The following SUGCT variants were observed in gnomAD, a reference collection of about 807,000 sequenced individuals.
The protein encoded by SUGCT is succinyl-CoA:glutarate-CoA transferase.
A neutral mutation model predicts 55.0 loss-of-function variants in SUGCT; 41 were observed. The ratio of observed to expected loss-of-function variants is 0.74; its 90% CI spans 0.58 to 0.97. The LOEUF is 0.97. Ranked by LOEUF, SUGCT falls within the 50% of genes least tolerant of loss-of-function variation. SUGCT has a pLI of 0.00. For synonymous variants in SUGCT, 187 were observed against 200.4 expected, an observed-to-expected ratio of 0.93 and a Z score of 0.56; for missense variants, 568 against 547.8, an observed-to-expected ratio of 1.04 and a Z score of -0.37.
At chr7:40,176,101 A>G (rs952348741) in intron 1 of SUGCT, among the ~76,000 whole-genome samples, 3 of 152,092 alleles carry the variant, frequency 2.0e-5, no homozygotes, top group African/African-American at 7.2e-5. Flanking sequence ...ACATGGTGGC[A>G]CATGCCTGTA....
chr7:40,505,888 A>T (rs1038181787), intron 12 of SUGCT, among the ~76,000 whole-genome samples: 1 of 151,960 alleles, frequency 6.6e-6, no homozygotes, highest in Admixed American at 6.6e-5. Context: ...TCTTTTTCTT[A>T]TTTCCATATA....
chr7:40,932,010 A>C, the SUGCT span, among the ~76,000 whole-genome samples: 1 of 151,864 alleles, frequency 6.6e-6, no homozygotes, highest in Non-Finnish European at 1.5e-5. Context: ...TTTTCATTGT[A>C]ATGTTAGGAT....
the SUGCT span, among the ~76,000 whole-genome samples, chr7:40,899,391 G>A: frequency 6.6e-6 from 1 of 152,164 alleles, no homozygotes; most frequent in East Asian, 1.9e-4. Flanking sequence ...TTACGTGATG[G>A]AACGCAGGCT....
intron 12 of SUGCT, among the ~76,000 whole-genome samples, chr7:40,740,729 A>G (rs1787415658): frequency 6.6e-6 from 1 of 152,026 alleles, no homozygotes; most frequent in South Asian, 2.1e-4. Context: ...TTATGAATAA[A>G]TGCATCAAGG....
At chr7:40,692,085 C>G (rs1784725199) in intron 12 of SUGCT, among the ~76,000 whole-genome samples, 1 of 152,136 alleles carries the variant, frequency 6.6e-6, no homozygotes, top group African/African-American at 2.4e-5. Context: ...CCTCACCTAT[C>G]CTAGTCACTC....
At chr7:40,636,415 C>A (rs2151817324) in intron 12 of SUGCT, among the ~76,000 whole-genome samples, 1 of 152,210 alleles carries the variant, frequency 6.6e-6, no homozygotes, top group South Asian at 2.1e-4. Flanking sequence ...TCTGTCTGAG[C>A]CTGCAATTTA....
chr7:41,013,542 G>A, the SUGCT span, among the ~76,000 whole-genome samples: 11 of 152,108 alleles, frequency 7.2e-5, no homozygotes, highest in Non-Finnish European at 1.5e-5. Context: ...AGTGGTGTCC[G>A]TGGGTTCGTT....
chr7:40,287,737 G>C (rs947335765), intron 8 of SUGCT, among the ~76,000 whole-genome samples: 1 of 152,066 alleles, frequency 6.6e-6, no homozygotes, highest in African/African-American at 2.4e-5. Flanking sequence ...GAGCTCAAGT[G>C]ATCCTCCTGT....
intron 9 of SUGCT, among the ~76,000 whole-genome samples, chr7:40,440,757 TG>T (rs1246266329): frequency 6.6e-6 from 1 of 151,962 alleles, no homozygotes; most frequent in Non-Finnish European, 1.5e-5. Flanking sequence ...TCTCATTGTT[TG>T]GGGGGCTGAG....
At chr7:40,708,748 C>A (rs1451639598) in intron 12 of SUGCT, among the ~76,000 whole-genome samples, 1 of 152,122 alleles carries the variant, frequency 6.6e-6, no homozygotes, top group Non-Finnish European at 1.5e-5. Context: ...GCAGTCACTG[C>A]TTGCTCAAAT....
chr7:40,559,912 A>C (rs1367207521), intron 12 of SUGCT, among the ~76,000 whole-genome samples: 1 of 152,236 alleles, frequency 6.6e-6, no homozygotes, highest in Non-Finnish European at 1.5e-5. Flanking sequence ...GTGCGTAAAG[A>C]GGTAATGCAA....
chr7:40,260,249 A>G (rs962699954), intron 7 of SUGCT, among the ~76,000 whole-genome samples: 4 of 152,122 alleles, frequency 2.6e-5, no homozygotes, highest in Non-Finnish European at 4.4e-5. Context: ...CTGCTAATAT[A>G]TATCTGTTTG....
chr7:40,909,748 C>T, the SUGCT span, among the ~76,000 whole-genome samples: 7 of 152,138 alleles, frequency 4.6e-5, no homozygotes, highest in East Asian at 1.9e-4. Context: ...CCAGACAGAC[C>T]GGCTCCAAGG....
chr7:40,462,186 T>G (rs879666851), intron 11 of SUGCT, among the ~76,000 whole-genome samples: 4 of 152,190 alleles, frequency 2.6e-5, no homozygotes, highest in Non-Finnish European at 4.4e-5. Flanking sequence ...CACAGAGGGC[T>G]TCTCTGTGAA....
chr7:40,362,041 C>T (rs1212013722), intron 9 of SUGCT, among the ~76,000 whole-genome samples: 2 of 151,870 alleles, frequency 1.3e-5, no homozygotes, highest in South Asian at 2.1e-4. Flanking sequence ...CTGTAATACA[C>T]GTAGGCTGCC....
At chr7:40,512,268 G>A (rs1792971443) in intron 12 of SUGCT, among the ~76,000 whole-genome samples, 1 of 152,154 alleles carries the variant, frequency 6.6e-6, no homozygotes, top group Admixed American at 6.5e-5. Context: ...ATATCATGAG[G>A]TGGAGGTTCT....
At chr7:40,675,910 T>C (rs1420909499) in intron 12 of SUGCT, among the ~76,000 whole-genome samples, 50 of 152,104 alleles carry the variant, frequency 3.3e-4, no homozygotes, top group Non-Finnish European at 1.5e-4. Flanking sequence ...TATGAACAAG[T>C]ATAGACAAGA....
intron 12 of SUGCT, among the ~76,000 whole-genome samples, chr7:40,671,251 A>C (rs1002477391): frequency 3.3e-5 from 5 of 152,166 alleles, no homozygotes; most frequent in Non-Finnish European, 7.4e-5. Context: ...CAACCATATA[A>C]TCATGTCAGT....
chr7:40,912,481 A>G, the SUGCT span, among the ~76,000 whole-genome samples: 1 of 152,220 alleles, frequency 6.6e-6, no homozygotes, highest in Non-Finnish European at 1.5e-5. Flanking sequence ...TTGACTCAGT[A>G]TAATAAAAAA....
Sources: gnomAD v4.1 joint callset for allele counts (sites outside exome capture counted in the v4.1 genomes callset) on GRCh38, gnomAD v4.1.1 for gene constraint, MANE v1.5 for transcripts, NCBI Gene and HGNC (gene_info 2026-07-23, HGNC 2026-07-21) for gene names.